THSD7A: variants seen among roughly 807,000 people sequenced by gnomAD.
The protein encoded by THSD7A is thrombospondin type-1 domain-containing protein 7A.
Under a neutral mutation model 231.3 loss-of-function variants are expected in THSD7A, and 96 were observed. The ratio of observed to expected loss-of-function variants is 0.41; its 90% CI spans 0.35 to 0.49. The LOEUF (loss-of-function observed/expected upper bound fraction) is 0.49, where lower values mean the gene tolerates loss of function less well. THSD7A is among the 20% of genes least tolerant of loss of function. The pLI, the probability that THSD7A is intolerant of heterozygous loss-of-function variation, is 0.05. For synonymous variants in THSD7A, 940 were observed against 743.3 expected, an observed-to-expected ratio of 1.26 and a Z score of -4.30; for missense variants, 2,290 against 2,070.2, an observed-to-expected ratio of 1.11 and a Z score of -2.06.
At chr7:11,739,588 G>A (rs1322698103) in intron 1 of THSD7A, among the ~76,000 whole-genome samples, 1 of 151,412 alleles carries the variant, frequency 6.6e-6, no homozygotes, top group Non-Finnish European at 1.5e-5. Flanking sequence ...TTTTAAATTT[G>A]TATTTTTTTT....
intron 7 of THSD7A, among the ~76,000 whole-genome samples, chr7:11,475,631 A>G (rs1298303957): frequency 2.7e-5 from 4 of 148,720 alleles, no homozygotes; most frequent in African/African-American, 7.3e-5. Flanking sequence ...TATATAACAT[A>G]TATATGCATA....
chr7:11,742,065 C>T (rs1782132405), intron 1 of THSD7A, among the ~76,000 whole-genome samples: 1 of 151,812 alleles, frequency 6.6e-6, no homozygotes, highest in Non-Finnish European at 1.5e-5. Context: ...CCTTTTATTC[C>T]TTGAAGCAAA....
At chr7:11,566,553 C>T (rs921695452) in intron 4 of THSD7A, among the ~76,000 whole-genome samples, 10 of 152,292 alleles carry the variant, frequency 6.6e-5, no homozygotes, top group African/African-American at 1.9e-4. Context: ...TACATGCATA[C>T]CTATTAGAGA....
At position 11,489,216 on chromosome 7, in the gene THSD7A, G is replaced by A. The variant is rs28631490; in HGVS notation, c.1823-7234C>T. Among the ~76,000 whole-genome samples the A allele has an allele frequency of 8.0e-3, 1,224 of 152,152 alleles. 23 individuals carry two copies. The highest frequency in any genetic ancestry group is 0.028 in the African/African-American group (1,163 of 41,524). ...GGGAAAAAGTGAACCTAAAATGCCA[G>A]AACCTATATTGCTTTTCTGCAAAAG... On this transcript the variant is annotated intron_variant, in intron 6 of 27. Coordinates refer to ENST00000423059, the MANE Select transcript of THSD7A (RefSeq NM_015204.3).
intron 1 of THSD7A, among the ~76,000 whole-genome samples, chr7:11,690,158 A>G (rs1432204658): frequency 1.3e-5 from 2 of 151,760 alleles, no homozygotes; most frequent in Non-Finnish European, 2.9e-5. Flanking sequence ...ATATCTTTCT[A>G]CCTGACTTTT....
intron 1 of THSD7A, among the ~76,000 whole-genome samples, chr7:11,808,351 C>T (rs1247393599): frequency 1.3e-5 from 2 of 152,164 alleles, no homozygotes; most frequent in Non-Finnish European, 2.9e-5. Flanking sequence ...TTTCACCTTC[C>T]ACCGTGTGAG....
At chr7:11,541,669 C>A in intron 5 of THSD7A, 38 bp from the exon 6 acceptor site, 2 of 1,572,270 alleles carry the variant, frequency 1.3e-6, no homozygotes, top group South Asian at 2.3e-5. Flanking sequence ...TTGTTACTAT[C>A]AAAGGTTTAG....
intron 1 of THSD7A, among the ~76,000 whole-genome samples, chr7:11,722,711 A>G (rs1781402055): frequency 6.6e-6 from 1 of 152,006 alleles, no homozygotes; most frequent in South Asian, 2.1e-4. Context: ...ATGCAGCCAA[A>G]AGACACATGA....
At chr7:11,534,515 A>G (rs1235601573) in intron 6 of THSD7A, among the ~76,000 whole-genome samples, 2 of 152,158 alleles carry the variant, frequency 1.3e-5, no homozygotes, top group African/African-American at 4.8e-5. Flanking sequence ...GTGAGGGAGG[A>G]CACTTGGACC....
intron 1 of THSD7A, among the ~76,000 whole-genome samples, chr7:11,813,726 T>G: frequency 2.0e-5 from 1 of 49,126 alleles, no homozygotes; most frequent in East Asian, 7.0e-4. Flanking sequence ...ATAATAATAA[T>G]AATAATAATA....
At chr7:11,394,353 G>A (rs1241359544) in intron 23 of THSD7A, among the ~76,000 whole-genome samples, 1 of 152,132 alleles carries the variant, frequency 6.6e-6, no homozygotes, top group East Asian at 1.9e-4. Context: ...AGCTCCTAAA[G>A]GGCACACTCA....
At chr7:11,795,160 T>C (rs1336414577) in intron 1 of THSD7A, among the ~76,000 whole-genome samples, 1 of 151,906 alleles carries the variant, frequency 6.6e-6, no homozygotes, top group Non-Finnish European at 1.5e-5. Flanking sequence ...AGAGAGATCT[T>C]TCTGTTTCAA....
rs1204009818 is a variant in THSD7A, at chr7:11,632,682, G to A, written c.1022+3448C>T. Among the ~76,000 whole-genome samples, 1 of 152,098 alleles carries A rather than the reference G, an allele frequency of 6.6e-6. No homozygotes were observed. The highest frequency in any genetic ancestry group is 1.5e-5 in the Non-Finnish European group (1 of 68,020). ...AAGAGAATGCTTCTAATGTTTCACA[G>A]TTGAGCACCGTCCCAGCTTTCAGTC... On this transcript the variant is annotated intron_variant, in intron 2 of 27. Coordinates refer to ENST00000423059, the MANE Select transcript of THSD7A (RefSeq NM_015204.3). The surrounding 1 kb of genome is among the most constrained non-coding windows in gnomAD (Gnocchi z 4.1).
intron 1 of THSD7A, among the ~76,000 whole-genome samples, chr7:11,720,129 C>T (rs1476998646): frequency 6.6e-6 from 1 of 151,668 alleles, no homozygotes; most frequent in Non-Finnish European, 1.5e-5. Flanking sequence ...ACATTTTGAA[C>T]GTCCATAGAT....
chr7:11,702,392 G>A (rs1426528947), intron 1 of THSD7A, among the ~76,000 whole-genome samples: 2 of 151,186 alleles, frequency 1.3e-5, no homozygotes, highest in African/African-American at 4.8e-5. Context: ...CTTGCTGTTT[G>A]TCAGTAGGGG....
At chr7:11,745,359 G>C (rs1303590119) in intron 1 of THSD7A, among the ~76,000 whole-genome samples, 1 of 151,698 alleles carries the variant, frequency 6.6e-6, no homozygotes, top group African/African-American at 2.4e-5. Context: ...AGTCAGATGA[G>C]TAGATTGCAA....
chr7:11,648,283 C>T (rs185439143), intron 1 of THSD7A, among the ~76,000 whole-genome samples: 34 of 151,952 alleles, frequency 2.2e-4, no homozygotes, highest in African/African-American at 8.2e-4. Context: ...GCAAGTAGCG[C>T]CAAAATATTA....
chr7:11,752,953 A>G (rs572520095), intron 1 of THSD7A, among the ~76,000 whole-genome samples: 308 of 152,024 alleles, frequency 2.0e-3, no homozygotes, highest in African/African-American at 6.3e-3. Flanking sequence ...TCAATCAATC[A>G]ATCAATCATT....
chr7:11,651,462 C>T (rs981745974), intron 1 of THSD7A, among the ~76,000 whole-genome samples: 2 of 148,618 alleles, frequency 1.3e-5, no homozygotes, highest in Non-Finnish European at 3.0e-5. Context: ...CCACTGTATC[C>T]ATCTATTATC....
Sources: allele counts gnomAD v4.1 joint callset (sites outside exome capture counted in the v4.1 genomes callset), GRCh38; gene constraint gnomAD v4.1.1; non-coding constraint Gnocchi (gnomAD v3.1); transcripts MANE v1.5; gene names NCBI Gene and HGNC (gene_info 2026-07-23, HGNC 2026-07-21).